Variants in EBF4 observed in about 807,000 individuals in gnomAD.
The protein encoded by EBF4 is transcription factor COE4.
EBF4 carries 34 observed loss-of-function variants against 67.1 expected under a neutral mutation model. That is an observed-to-expected ratio of 0.51 (90% CI 0.39 to 0.67). The LOEUF (loss-of-function observed/expected upper bound fraction) is 0.67, where lower values mean the gene tolerates loss of function less well. EBF4 is among the 30% of genes least tolerant of loss of function. The probability of loss-of-function intolerance (pLI) is 0.00; values close to 1 mark genes in which losing one functional copy is unlikely to be tolerated. For synonymous variants in EBF4, 387 were observed against 377.7 expected (o/e 1.02, Z -0.29); for missense variants, 837 against 873.3 (o/e 0.96, Z 0.52).
intron 6 of EBF4, among the ~76,000 whole-genome samples, chr20:2,733,351 T>A (rs535426730): frequency 7.9e-5 from 12 of 152,338 alleles, no homozygotes; most frequent in African/African-American, 2.9e-4. Context: ...TTCTTTGGCT[T>A]TCAAAAGTTT....
chr20:2,757,239 G>A (rs1027144700), intron 15 of EBF4, among the ~76,000 whole-genome samples: 1 of 152,178 alleles, frequency 6.6e-6, no homozygotes, highest in African/African-American at 2.4e-5. Context: ...TCAGGGCCTG[G>A]GAGAACAACT....
chr20:2,694,920 A>G (rs2087266506), intron 1 of EBF4, among the ~76,000 whole-genome samples: 1 of 152,202 alleles, frequency 6.6e-6, no homozygotes, highest in South Asian at 2.1e-4. Flanking sequence ...GGTCTTGTGG[A>G]TGAATTAATT....
intron 6 of EBF4, among the ~76,000 whole-genome samples, chr20:2,709,998 C>T (rs745407005): frequency 2.0e-5 from 3 of 152,214 alleles, no homozygotes; most frequent in Admixed American, 6.5e-5. Context: ...AAACCAGGCT[C>T]AGGTTCCCAG....
At chr20:2,733,815 GA>G (rs202216825) in intron 6 of EBF4, among the ~76,000 whole-genome samples, 3,187 of 106,606 alleles carry the variant, frequency 0.03, 74 homozygotes, top group African/African-American at 0.083. Context: ...TAGCTGATGA[GA>G]AAAAAAAAAA....
intron 1 of EBF4, among the ~76,000 whole-genome samples, chr20:2,701,801 C>T (rs927213542): frequency 2.0e-5 from 3 of 152,228 alleles, no homozygotes; most frequent in African/African-American, 7.2e-5. Context: ...GAGTGCTTCA[C>T]AAACCCATCT....
intron 6 of EBF4, among the ~76,000 whole-genome samples, chr20:2,737,845 G>A (rs1416935712): frequency 3.3e-5 from 5 of 149,930 alleles, no homozygotes; most frequent in Admixed American, 1.3e-4. Context: ...GGCACCTGTA[G>A]TCCCAGCTAC....
intron 6 of EBF4, among the ~76,000 whole-genome samples, chr20:2,731,238 C>T (rs1226951311): frequency 6.6e-6 from 1 of 152,192 alleles, no homozygotes. Flanking sequence ...GCATAATGTG[C>T]TGTGACAAAG....
exon 14 of EBF4, chr20:2,752,490 C>A (rs1275653713): frequency 3.4e-5 from 43 of 1,261,376 alleles, no homozygotes; most frequent in Admixed American, 4.2e-5. Flanking sequence ...CCGGCCTCGG[C>A]GTGCCTGGGT....
chr20:2,749,829 T>C lies in EBF4; in HGVS notation c.892-18T>C, dbSNP rs778765112. ...CTCGCCGGTGCGGGACCTGCAGGCCTCCCCTCTCCCCTCGCAGCTCATCAC... is the reference window on the plus strand; with the variant it reads ...CTCGCCGGTGCGGGACCTGCAGGCCCCCCCTCTCCCCTCGCAGCTCATCAC... On this transcript the variant is annotated intron_variant, in intron 9 of 16. Coordinates refer to ENST00000609451, the Ensembl canonical transcript of EBF4. 2.2e-5 allele frequency: 34 copies of C among 1,545,674 alleles called. No homozygotes were observed. Among genetic ancestry groups the C allele is most frequent in the Non-Finnish European group, 2.8e-5 (32 of 1,143,852 alleles).
chr20:2,711,299 T>C (rs2087542029), intron 6 of EBF4, among the ~76,000 whole-genome samples: 1 of 152,222 alleles, frequency 6.6e-6, no homozygotes, highest in Non-Finnish European at 1.5e-5. Flanking sequence ...TATTCTTTTT[T>C]GCCACTGCAA....
chr20:2,726,536 G>T (rs1220810795), intron 6 of EBF4, among the ~76,000 whole-genome samples: 1 of 150,766 alleles, frequency 6.6e-6, no homozygotes, highest in Admixed American at 6.6e-5. Flanking sequence ...AGCTATGATT[G>T]TACCACTACA....
At chr20:2,727,473 C>G (rs2146437725) in intron 6 of EBF4, among the ~76,000 whole-genome samples, 1 of 152,306 alleles carries the variant, frequency 6.6e-6, no homozygotes, top group East Asian at 1.9e-4. Flanking sequence ...CTCTGATAAG[C>G]AGGTTTTGCA....
intron 5 of EBF4, 129 bp from the exon 6 acceptor site, chr20:2,709,445 C>A (rs2087508375): frequency 3.7e-6 from 3 of 815,912 alleles, no homozygotes; most frequent in African/African-American, 1.7e-5. Context: ...CCCCTCCAGC[C>A]CAGGGATTCC....
chr20:2,708,040 C>A lies in EBF4; in HGVS notation c.488+20C>A. 6.3e-7 allele frequency: 1 copy of A among 1,596,806 alleles called. No individual in the cohort carries two copies. Among genetic ancestry groups the A allele is most frequent in the Non-Finnish European group, 8.5e-7 (1 of 1,170,434 alleles). On this transcript the variant is annotated intron_variant, in intron 5 of 16. Coordinates refer to ENST00000609451, the Ensembl canonical transcript of EBF4. ...GTGCAGGTGAGATGGCCATGTCACT[C>A]ACACCTCACCCCTCTGCCAAGGCGT...
intron 15 of EBF4, 22 bp from the exon 16 acceptor site, chr20:2,758,887 C>T (rs771293802): frequency 1.0e-5 from 16 of 1,551,146 alleles, no homozygotes; most frequent in Non-Finnish European, 3.5e-6. Context: ...GCTTATGGCT[C>T]CTTTTTCCTT....
At chr20:2,708,952 G>C (rs750459559) in intron 5 of EBF4, among the ~76,000 whole-genome samples, 1 of 152,132 alleles carries the variant, frequency 6.6e-6, no homozygotes, top group Non-Finnish European at 1.5e-5. Flanking sequence ...TTAGGAAGCC[G>C]AGGCGAGCGG....
intron 6 of EBF4, among the ~76,000 whole-genome samples, chr20:2,722,389 T>A (rs1252244997): frequency 3.3e-5 from 5 of 152,174 alleles, no homozygotes; most frequent in Admixed American, 3.3e-4. Flanking sequence ...CACCAAGTCA[T>A]GCTTCCTTTA....
Position 2,739,150 on chromosome 20 carries a change from G to A in EBF4, c.558-9399G>A, listed in dbSNP as rs796873275. Among the ~76,000 whole-genome samples the A allele has an allele frequency of 1.4e-4, 21 of 152,256 alleles. No individual in the cohort carries two copies. Among genetic ancestry groups the A allele is most frequent in the Admixed American group, 2.6e-4 (4 of 15,298 alleles). The stretch of plus-strand genomic sequence containing the variant: ...CCTCATTTCCCTTCCCTTCTCTAGC[G>A]TAGGCCCTTTGGTGCCTGTTTCTGC... On this transcript the variant is annotated intron_variant, in intron 6 of 16. Transcript: ENST00000609451. This position sits in a 1 kb window ranked among gnomAD's most constrained non-coding sequence, Gnocchi z 4.5.
At chr20:2,749,573 C>A (rs1003302275) in intron 8 of EBF4, 47 bp from the exon 9 acceptor site, 17 of 1,543,702 alleles carry the variant, frequency 1.1e-5, no homozygotes, top group Admixed American at 4.0e-5. Context: ...CCCCCCAGGC[C>A]CCACCTCAGC....
Sources: gnomAD v4.1 joint callset for allele counts (sites outside exome capture counted in the v4.1 genomes callset) on GRCh38, gnomAD v4.1.1 for gene constraint, Gnocchi (gnomAD v3.1) non-coding constraint, MANE v1.5 for transcripts, NCBI Gene and HGNC (gene_info 2026-07-23, HGNC 2026-07-21) for gene names.